Variants in AGER observed in about 807,000 individuals in gnomAD.
AGER encodes the protein advanced glycation end product-specific receptor.
Under a neutral mutation model 48.8 loss-of-function variants are expected in AGER, and 46 were observed. The observed-to-expected ratio is 0.94, with a 90% CI of 0.74 to 1.20. The LOEUF (loss-of-function observed/expected upper bound fraction) is 1.20, where lower values mean the gene tolerates loss of function less well. Among genes scored for constraint, AGER ranks in the 50% most tolerant of loss-of-function variants. The pLI is 0.00. For synonymous variants in AGER, 170 were observed against 199.9 expected (o/e 0.85, Z 1.26); for missense variants, 489 against 515.0 (o/e 0.95, Z 0.49).
At position 32,181,356 on chromosome 6, in the gene AGER, C is replaced by T. The variant is rs546564455; in HGVS notation, c.1113G>A (p.Glu371=). 10 of 1,612,920 alleles carry T rather than the reference C, an allele frequency of 6.2e-6. No homozygotes were observed. In the South Asian group the frequency reaches 8.8e-5, roughly 14 times the overall value. Residue 371 remains glutamate (E), a synonymous_variant, in exon 10 of 11, where the codon GAG becomes GAA. Transcript: ENST00000375076. This position sits in a 1 kb window ranked among gnomAD's most constrained non-coding sequence, Gnocchi z 4.1. ...ILWQRRQRRG[E]ERKAPENQEE... ...GTCTGGCTTTCTCCACTCACCTCTCCTCTCCTCGGCGTTGCCGCCTTTGCC... is the reference window on the plus strand; with the variant it reads ...GTCTGGCTTTCTCCACTCACCTCTCTTCTCCTCGGCGTTGCCGCCTTTGCC...
Position 32,182,563 on chromosome 6 carries a change from C to T in AGER, c.822+5G>A, listed in dbSNP as rs1462314930. The stretch of plus-strand genomic sequence containing the variant: ...CCTCCCAGCCCCTCTCTCCAGGTCA[C>T]TCACATCCTTCATCCAGTGGATTTG... On this transcript the variant is annotated splice_donor_5th_base_variant and intron_variant, in intron 7 of 10. Coordinates refer to ENST00000375076, the MANE Select transcript of AGER (RefSeq NM_001136.5). The surrounding 1 kb of genome is among the most constrained non-coding windows in gnomAD (Gnocchi z 5.1). 2 of 1,613,110 alleles carry T rather than the reference C, an allele frequency of 1.2e-6. No homozygotes were observed. The highest frequency in any genetic ancestry group is 3.3e-5 in the Admixed American group (2 of 60,032).
rs1786278880 is a variant in AGER at position 32,181,824 on chromosome 6, TCTC to T, written c.965-195_965-193del. On this transcript the variant is annotated intron_variant, in intron 8 of 10. Coordinates refer to ENST00000375076, the MANE Select transcript of AGER (RefSeq NM_001136.5). The surrounding 1 kb of genome is among the most constrained non-coding windows in gnomAD (Gnocchi z 4.1). The stretch of plus-strand genomic sequence containing the variant: ...TCTATGCCTCCTGGGTTCAAGCAAT[TCTC>T]CTGCCTCAGCCTCTCAAGTAGCTGG... Among the ~76,000 whole-genome samples, 2 of 152,124 alleles carry T rather than the reference TCTC, an allele frequency of 1.3e-5. No homozygotes were observed.
At position 32,182,286 on chromosome 6, in the gene AGER, C is replaced by T. The variant is rs138186526; in HGVS notation, c.925G>A (p.Gly309Arg). 2,360 of 1,612,720 alleles carry T rather than the reference C, an allele frequency of 1.5e-3. 1 individual carries two copies. Among genetic ancestry groups the T allele is most frequent in the Non-Finnish European group, 1.8e-3 (2,161 of 1,179,978 alleles). The stretch of plus-strand genomic sequence containing the variant: ...CTGACAGCACGGCTTTCCTGGGGCC[C>T]GTGGCTGGAATGGGTGGCCACACAG... The part of the protein sequence containing the change: ...YSCVATHSSH[G>R]PQESRAVSIS... Residue 309 changes from glycine to arginine, a missense_variant, in exon 8 of 11, where the codon GGG becomes AGG. Transcript: ENST00000375076. The surrounding 1 kb of genome is among the most constrained non-coding windows in gnomAD (Gnocchi z 5.1).
chr6:32,183,274 G>T, intron 4 of AGER, 50 bp downstream of exon 4: 1 of 1,612,800 alleles, frequency 6.2e-7, no homozygotes, highest in Non-Finnish European at 8.5e-7. Flanking sequence ...ACACACACTC[G>T]CCTCCTGTTC....
At position 32,181,723 on chromosome 6, in the gene AGER, C is replaced by CTTT; in HGVS notation, c.965-94_965-92dup. 5 of 1,037,506 alleles carry CTTT rather than the reference C, an allele frequency of 4.8e-6. No homozygotes were observed. Among genetic ancestry groups the CTTT allele is most frequent in the Non-Finnish European group, 6.7e-6 (5 of 747,786 alleles). 64.3% of individuals were successfully genotyped at this position (1,037,506 alleles called of 1,614,324 possible). On this transcript the variant is annotated intron_variant, in intron 8 of 10. Coordinates refer to ENST00000375076, the MANE Select transcript of AGER (RefSeq NM_001136.5). The surrounding 1 kb of genome is among the most constrained non-coding windows in gnomAD (Gnocchi z 4.1). ...GAGCCCCAGTGGAGTCTTTCCCTTT[C>CTTT]TTTTTTTTTTTGAGATGGAGTTTCA... is the stretch of plus-strand genomic sequence containing the variant.
Position 32,182,596 on chromosome 6 carries a change from G to A in AGER, c.794C>T (p.Pro265Leu). Reference protein sequence around the residue: ...VTLTCEVPAQPSPQIHWMKDG... With the variant: ...VTLTCEVPAQLSPQIHWMKDG... Reference sequence around the variant, plus strand: ...CTTCATCCAGTGGATTTGAGGAGAGGGCTGGGCAGGGACTTCACAGGTCAG... The same window carrying A: ...CTTCATCCAGTGGATTTGAGGAGAGAGCTGGGCAGGGACTTCACAGGTCAG... Residue 265 changes from proline to leucine, a missense_variant, in exon 7 of 11, where the codon CCC becomes CTC. Coordinates refer to ENST00000375076, the MANE Select transcript of AGER (RefSeq NM_001136.5). This position sits in a 1 kb window ranked among gnomAD's most constrained non-coding sequence, Gnocchi z 5.1. 5 of 1,613,066 alleles carry A rather than the reference G, an allele frequency of 3.1e-6. No homozygotes were observed. The highest frequency in any genetic ancestry group is 2.2e-5 in the East Asian group (1 of 44,888).
rs757416925 is a variant in AGER at position 32,181,282 on chromosome 6, A to AC, written c.1119-44dup. On this transcript the variant is annotated intron_variant, in intron 10 of 10. Coordinates refer to ENST00000375076, the MANE Select transcript of AGER (RefSeq NM_001136.5). The surrounding 1 kb of genome is among the most constrained non-coding windows in gnomAD (Gnocchi z 4.1). ...GGGGAATGCGGCACGTTGTCGTTCC[A>AC]CCCCCCGACCCCTCTTCGCTTGCTG... 76 of 1,612,956 alleles carry AC rather than the reference A, an allele frequency of 4.7e-5. No individual in the cohort carries two copies. Among genetic ancestry groups the AC allele is most frequent in the Non-Finnish European group, 5.6e-5 (66 of 1,179,904 alleles).
chr6:32,184,040 A>C, intron 1 of AGER, 53 bp from the exon 2 acceptor site: 2 of 1,612,006 alleles, frequency 1.2e-6, no homozygotes, highest in Non-Finnish European at 8.5e-7. Context: ...GGCTAACAAA[A>C]TTTGGACAGG....
In AGER at chr6:32,183,716, G is replaced by T. The variant is rs1225544408; in HGVS notation, c.194C>A (p.Ser65Tyr). The stretch of plus-strand genomic sequence containing the variant: ...GTCCCAGGGGCCTCCTCCCTGGGGA[G>T]ACAGGACCTTCCAAGCTTCTGTCCG... ...TGRTEAWKVLSPQGGGPWDSV... is the reference protein window; with the variant it reads ...TGRTEAWKVLYPQGGGPWDSV... The change falls in exon 3 of 11, where the codon TCT (serine) becomes TAT (tyrosine). Residue 65 changes from serine (S) to tyrosine (Y), a missense_variant. By Grantham distance (144) the Ser-to-Tyr change is moderately radical. Transcript: ENST00000375076. 1 of 1,613,090 alleles carries T rather than the reference G, an allele frequency of 6.2e-7. No individual in the cohort carries two copies. The highest frequency in any genetic ancestry group is 1.7e-5 in the Admixed American group (1 of 60,032).
chr6:32,181,194 C>G lies in AGER; in HGVS notation c.1164G>C (p.Leu388=), dbSNP rs1023334227. The G allele has an allele frequency of 6.2e-7, 1 of 1,614,090 alleles. No homozygotes were observed. The highest frequency in any genetic ancestry group is 1.1e-5 in the South Asian group (1 of 91,090). ...NQEEEEERAE[L]NQSEEPEAGE... is the part of the protein sequence containing the mutation. ...CTGCCTCAGGTTCCTCCGACTGATT[C>G]AGTTCTGCACGCTCCTCCTCTTCCT... The change falls in exon 11 of 11, where the codon CTG becomes CTC. Residue 388 remains leucine, a synonymous_variant. Coordinates refer to ENST00000375076, the MANE Select transcript of AGER (RefSeq NM_001136.5). The surrounding 1 kb of genome is among the most constrained non-coding windows in gnomAD (Gnocchi z 4.1).
At chr6:32,183,460 C>T (rs748853136) in intron 3 of AGER, 72 bp from the exon 4 acceptor site, 3 of 1,606,240 alleles carry the variant, frequency 1.9e-6, no homozygotes, top group Non-Finnish European at 2.6e-6. Flanking sequence ...GAAATGAGGC[C>T]AGTGGAAGTC....
rs1346121969 is a variant in AGER, at chr6:32,183,328, T to C, written c.416A>G (p.Asn139Ser). 4.3e-6 allele frequency: 7 copies of C among 1,613,138 alleles called. No homozygotes were observed. The highest frequency in any genetic ancestry group is 5.1e-6 in the Non-Finnish European group (6 of 1,180,036). The change falls in exon 4 of 11, where the codon AAT becomes AGT. Residue 139 changes from asparagine (N) to serine (S), a missense_variant. By Grantham distance (46) the Asn-to-Ser change is conservative. Transcript: ENST00000375076. ...SASELTAGVP[N>S]KVGTCVSEGS... Reference sequence around the variant, plus strand: ...TCTCCTGCTTTCTTCCACTACCTTATTGGGAACACCAGCCGTGAGTTCAGA... The same window carrying C: ...TCTCCTGCTTTCTTCCACTACCTTACTGGGAACACCAGCCGTGAGTTCAGA...
rs375902201 is a variant in AGER, at chr6:32,183,898, G to A, written c.142C>T (p.Arg48Trp). ...CKGAPKKPPQ[R>W]LEWKLNTGRT... ...CCGCTTACCAGTTTCCATTCCAGCC[G>A]CTGGGGTGGTTTCTTGGGGGCCCCC... The change falls in exon 2 of 11, where the codon CGG becomes TGG. Residue 48 changes from arginine (R) to tryptophan (W), a missense_variant. By Grantham distance (101) the Arg-to-Trp change is moderately radical. Coordinates refer to ENST00000375076, the MANE Select transcript of AGER (RefSeq NM_001136.5). 2.9e-5 allele frequency: 47 copies of A among 1,612,932 alleles called. No homozygotes were observed. The highest frequency in any genetic ancestry group is 1.9e-4 in the South Asian group (17 of 91,088).
Position 32,184,226 on chromosome 6 carries a change from G to T in AGER, c.-4C>A. 1.9e-6 allele frequency: 3 copies of T among 1,612,244 alleles called. No homozygotes were observed. The highest frequency in any genetic ancestry group is 2.5e-6 in the Non-Finnish European group (3 of 1,179,608). ...CAACTGCTGTTCCGGCAGCCATCCT[G>T]CTTCCTTCCAGGGTCCTGGCTCTGT... On this transcript the variant is annotated 5_prime_UTR_variant, in exon 1 of 11. Transcript: ENST00000375076.
chr6:32,183,915 G>C lies in AGER; in HGVS notation c.125C>G (p.Pro42Arg). Residue 42 changes from proline to arginine, a missense_variant, in exon 2 of 11, where the codon CCC becomes CGC. Coordinates refer to ENST00000375076, the MANE Select transcript of AGER (RefSeq NM_001136.5). ...EPLVLKCKGAPKKPPQRLEWK... is the reference protein window; with the variant it reads ...EPLVLKCKGARKKPPQRLEWK... Reference sequence around the variant, plus strand: ...TTCCAGCCGCTGGGGTGGTTTCTTGGGGGCCCCCTTACACTTCAGCACCAG... The same window carrying C: ...TTCCAGCCGCTGGGGTGGTTTCTTGCGGGCCCCCTTACACTTCAGCACCAG... The C allele has an allele frequency of 6.2e-7, 1 of 1,613,038 alleles. No individual in the cohort carries two copies. Among genetic ancestry groups the C allele is most frequent in the Non-Finnish European group, 8.5e-7 (1 of 1,180,016 alleles).
At position 32,184,172 on chromosome 6, in the gene AGER, C is replaced by T. The variant is rs1490219403; in HGVS notation, c.51G>A (p.Trp17Ter). The T allele has an allele frequency of 6.8e-6, 11 of 1,611,520 alleles. No individual in the cohort carries two copies. Among genetic ancestry groups the T allele is most frequent in the Non-Finnish European group, 9.3e-6 (11 of 1,179,154 alleles). ...VGAWVLVLSL[W>*]GAVVGAQNIT... Reference sequence around the variant, plus strand: ...AGTGGGGTTGAGGGAGTGGCTCACCCCACAGACTGAGGACCAGCACCCAGG... The same window carrying T: ...AGTGGGGTTGAGGGAGTGGCTCACCTCACAGACTGAGGACCAGCACCCAGG... Residue 17 changes from tryptophan (W) to a stop codon, truncating the protein, a stop_gained and splice_region_variant, in exon 1 of 11, where the codon TGG becomes TGA. Transcript: ENST00000375076. LOFTEE classifies it high-confidence loss of function.
At position 32,181,008 on chromosome 6, in the gene AGER, C is replaced by T; in HGVS notation, c.*135G>A. ...TGTTTAATCATCATTGTGGGGGGCT[C>T]TGGTTGTAGAAGAAAGCTTGGCAAG... On this transcript the variant is annotated 3_prime_UTR_variant, in exon 11 of 11. Coordinates refer to ENST00000375076, the MANE Select transcript of AGER (RefSeq NM_001136.5). The surrounding 1 kb of genome is among the most constrained non-coding windows in gnomAD (Gnocchi z 4.1). 1 of 867,880 alleles carries T rather than the reference C, an allele frequency of 1.2e-6. No homozygotes were observed. The highest frequency in any genetic ancestry group is 1.5e-5 in the South Asian group (1 of 64,996). 53.8% of individuals were successfully genotyped at this position (867,880 alleles called of 1,614,324 possible). A position where few individuals can be genotyped will look rare whatever the true frequency, so the allele number is the denominator to read the frequency against.
Position 32,181,239 on chromosome 6 carries a change from C to G in AGER, c.1119G>C (p.Arg373Ser). Residue 373 changes from arginine to serine, a missense_variant and splice_region_variant, in exon 11 of 11, where the codon AGG becomes AGC. Coordinates refer to ENST00000375076, the MANE Select transcript of AGER (RefSeq NM_001136.5). This position sits in a 1 kb window ranked among gnomAD's most constrained non-coding sequence, Gnocchi z 4.1. Reference protein sequence around the residue: ...WQRRQRRGEERKAPENQEEEE... With the variant: ...WQRRQRRGEESKAPENQEEEE... ...CTTCCTCCTGGTTTTCTGGGGCCTT[C>G]CTGAGGAGAAAGATTGGGGGGAATG... The G allele has an allele frequency of 6.2e-7, 1 of 1,614,210 alleles. No homozygotes were observed. The highest frequency in any genetic ancestry group is 8.5e-7 in the Non-Finnish European group (1 of 1,180,056).
chr6:32,183,516 G>GTC lies in AGER; in HGVS notation c.355+38_355+39insGA, dbSNP rs767325034. ...GCTGGGGTTGAAGGCTTTTTCTTAG[G>GTC]TAAGAGGGAGGCCTTGGAGAAGACC... On this transcript the variant is annotated intron_variant, in intron 3 of 10. Coordinates refer to ENST00000375076, the MANE Select transcript of AGER (RefSeq NM_001136.5). 176 of 1,612,746 alleles carry GTC rather than the reference G, an allele frequency of 1.1e-4. 3 individuals carry two copies. The South Asian group carries it at 1.9e-3, about 17-fold the overall frequency.
Sources: gnomAD v4.1 joint callset for allele counts (sites outside exome capture counted in the v4.1 genomes callset) on GRCh38, gnomAD v4.1.1 for gene constraint, Gnocchi (gnomAD v3.1) non-coding constraint, MANE v1.5 for transcripts, NCBI Gene and HGNC (gene_info 2026-07-23, HGNC 2026-07-21) for gene names.